The following CADM2 variants were observed in gnomAD, a reference collection of about 807,000 sequenced individuals.
CADM2 encodes the protein cell adhesion molecule 2, also known as immunoglobulin superfamily member 4D.
CADM2 carries 12 observed loss-of-function variants against 49.8 expected under a neutral mutation model. That is an observed-to-expected ratio of 0.24 (90% CI 0.15 to 0.39). CADM2 has a LOEUF of 0.39. Ranked by LOEUF, CADM2 falls within the 10% of genes least tolerant of loss-of-function variation. The pLI is 1.00. For synonymous variants in CADM2, 214 were observed against 175.4 expected, an observed-to-expected ratio of 1.22 and a Z score of -1.74; for missense variants, 378 against 492.3, an observed-to-expected ratio of 0.77 and a Z score of 2.20.
At chr3:85,883,269 T>C (rs765647833) in intron 3 of CADM2, 22 bp from the exon 4 acceptor site, 1 of 1,591,646 alleles carries the variant, frequency 6.3e-7, no homozygotes. Context: ...TTATTTACAT[T>C]TTCAATATTT....
At position 85,874,066 on chromosome 3, in the gene CADM2, A is replaced by G. The variant is rs541822551; in HGVS notation, c.239-9225A>G. ...TTTTAATATTTTTATTCTTATGCCT[A>G]CGTTTTAAAAATATAAAAGAGAACA... On this transcript the variant is annotated intron_variant, in intron 3 of 9. Transcript: ENST00000383699. Among the ~76,000 whole-genome samples, 28 of 152,240 alleles carry G rather than the reference A, an allele frequency of 1.8e-4. 2 individuals are homozygous for G. The East Asian group carries it at 4.2e-3, about 23-fold the overall frequency.
Position 85,767,559 on chromosome 3 carries a change from G to A in CADM2, c.89-34488G>A, listed in dbSNP as rs769011337. Among the ~76,000 whole-genome samples, 18 of 152,124 alleles carry A rather than the reference G, an allele frequency of 1.2e-4. No individual in the cohort carries two copies. The Middle Eastern group carries it at 0.01, about 86-fold the overall frequency. ...ATTTCTTGTGGCTGGTTGGATTATC[G>A]TGATCTTTTATTCTATCACCCAATA... On this transcript the variant is annotated intron_variant, in intron 2 of 9. Transcript: ENST00000383699.
At chr3:85,209,070 A>G (rs2041717123) in intron 1 of CADM2, among the ~76,000 whole-genome samples, 1 of 152,314 alleles carries the variant, frequency 6.6e-6, no homozygotes, top group South Asian at 2.1e-4. Flanking sequence ...AACTGTGTGT[A>G]CAGAACTCCT....
chr3:85,780,243 G>A (rs997041962), intron 2 of CADM2, among the ~76,000 whole-genome samples: 5 of 152,126 alleles, frequency 3.3e-5, no homozygotes, highest in Admixed American at 6.6e-5. Context: ...TGTGCGTACT[G>A]GACAGGCAAT....
At chr3:85,118,582 C>G (rs916101059) in intron 1 of CADM2, among the ~76,000 whole-genome samples, 9 of 152,208 alleles carry the variant, frequency 5.9e-5, no homozygotes, top group Admixed American at 5.2e-4. Context: ...GGGAAAGACC[C>G]ATCCTCATGA....
intron 1 of CADM2, among the ~76,000 whole-genome samples, chr3:85,344,715 T>C (rs2030390388): frequency 6.6e-6 from 1 of 152,170 alleles, no homozygotes; most frequent in Non-Finnish European, 1.5e-5. Context: ...CTTTGATATT[T>C]CCACTGGTAA....
intron 8 of CADM2, among the ~76,000 whole-genome samples, chr3:86,045,155 T>C (rs1256455856): frequency 6.6e-6 from 1 of 151,944 alleles, no homozygotes. Flanking sequence ...CATATATACA[T>C]GTGTAACTAA....
At chr3:85,032,823 C>T (rs539679848) in intron 1 of CADM2, among the ~76,000 whole-genome samples, 1 of 152,214 alleles carries the variant, frequency 6.6e-6, no homozygotes, top group Admixed American at 6.5e-5. Flanking sequence ...ACTAAATATA[C>T]ATGCTTTGAC....
intron 1 of CADM2, among the ~76,000 whole-genome samples, chr3:85,271,992 C>T (rs1388818040): frequency 6.6e-6 from 1 of 151,070 alleles, no homozygotes; most frequent in Admixed American, 6.6e-5. Context: ...AACCTGCCAA[C>T]ACTATTTCAT....
rs180677313 is a variant in CADM2, at chr3:85,506,181, G to T, written c.62-220341G>T. On this transcript the variant is annotated intron_variant, in intron 1 of 9. Transcript: ENST00000383699. ...TTTTGTGCATCAGGTAAATTGTGGA[G>T]ATAAGGGCAGCATATACAAAGTAAA... 1.8e-3 allele frequency among the ~76,000 whole-genome samples: 281 copies of T among 152,322 alleles called. 1 individual carries two copies. The highest frequency in any genetic ancestry group is 8.1e-3 in the South Asian group (39 of 4,826).
At chr3:85,166,870 G>A (rs2040483939) in intron 1 of CADM2, among the ~76,000 whole-genome samples, 2 of 151,672 alleles carry the variant, frequency 1.3e-5, no homozygotes, top group Admixed American at 1.3e-4. Flanking sequence ...TCCTGTAAGA[G>A]GACTCAATTT....
chr3:85,226,852 A>T (rs1159797455), intron 1 of CADM2, among the ~76,000 whole-genome samples: 1 of 152,140 alleles, frequency 6.6e-6, no homozygotes, highest in Admixed American at 6.5e-5. Flanking sequence ...GTTTCAAAGA[A>T]CATCTTTATT....
chr3:85,387,480 C>T (rs1386901438), intron 1 of CADM2, among the ~76,000 whole-genome samples: 1 of 151,938 alleles, frequency 6.6e-6, no homozygotes, highest in Non-Finnish European at 1.5e-5. Flanking sequence ...TTTCAAGTGG[C>T]AAATATGTAT....
chr3:85,575,192 T>G (rs2062595280), intron 1 of CADM2, among the ~76,000 whole-genome samples: 1 of 152,184 alleles, frequency 6.6e-6, no homozygotes, highest in Non-Finnish European at 1.5e-5. Context: ...AAGTTCCTTT[T>G]TTGCTTACTC....
At chr3:85,300,264 G>A (rs1047694961) in intron 1 of CADM2, among the ~76,000 whole-genome samples, 1 of 152,068 alleles carries the variant, frequency 6.6e-6, no homozygotes, top group African/African-American at 2.4e-5. Flanking sequence ...TTTCACAGAT[G>A]TGCAAGGATA....
chr3:85,546,725 T>C (rs1206068082), intron 1 of CADM2, among the ~76,000 whole-genome samples: 1 of 152,104 alleles, frequency 6.6e-6, no homozygotes, highest in Non-Finnish European at 1.5e-5. Context: ...CCTGCTAATA[T>C]CTGTTTTCTT....
chr3:84,979,659 G>C (rs551165579), intron 1 of CADM2, among the ~76,000 whole-genome samples: 3 of 151,426 alleles, frequency 2.0e-5, no homozygotes, highest in Admixed American at 6.6e-5. Flanking sequence ...TTTACACTAA[G>C]TATTATAAAC....
At chr3:85,320,853 T>C (rs2044579786) in intron 1 of CADM2, among the ~76,000 whole-genome samples, 1 of 151,710 alleles carries the variant, frequency 6.6e-6, no homozygotes, top group South Asian at 2.1e-4. Flanking sequence ...ATACCAGTTA[T>C]TGTGGTTTAT....
intron 1 of CADM2, among the ~76,000 whole-genome samples, chr3:85,164,297 G>C (rs904922754): frequency 6.6e-6 from 1 of 152,030 alleles, no homozygotes; most frequent in African/African-American, 2.4e-5. Context: ...GTTACGTCCT[G>C]AGATTGTCTT....
Sources: gnomAD v4.1 joint callset for allele counts (sites outside exome capture counted in the v4.1 genomes callset) on GRCh38, gnomAD v4.1.1 for gene constraint, MANE v1.5 for transcripts, NCBI Gene and HGNC (gene_info 2026-07-23, HGNC 2026-07-21) for gene names.